DNAAF8: variants seen among roughly 807,000 people sequenced by gnomAD.
DNAAF8 encodes the protein dynein axonemal-associated protein 1.
Under a neutral mutation model 54.6 loss-of-function variants are expected in DNAAF8, and 61 were observed. That is an observed-to-expected ratio of 1.12 (90% CI 0.91 to 1.38). The LOEUF is 1.38. Ranked by LOEUF, DNAAF8 falls within the 40% of genes most tolerant of loss-of-function variation. The pLI is 0.00. For synonymous variants in DNAAF8, 320 were observed against 270.1 expected (o/e 1.18, Z -1.81); for missense variants, 837 against 665.0 (o/e 1.26, Z -2.85).
chr16:4,737,678 G>A (rs1451957856), intron 2 of DNAAF8, 122 bp from the exon 3 acceptor site: 10 of 1,272,582 alleles, frequency 7.9e-6, no homozygotes, highest in African/African-American at 1.5e-5. Context: ...GGGCTGGACG[G>A]GCTGGATGGG....
chr16:4,747,189 G>A (rs534634241), intron 8 of DNAAF8, 154 bp from the exon 9 acceptor site: 37 of 1,217,020 alleles, frequency 3.0e-5, no homozygotes, highest in Admixed American at 4.7e-5. Context: ...ACGTCCACTG[G>A]GTCCCAGCAG....
chr16:4,746,214 G>A, intron 6 of DNAAF8, 161 bp from the exon 7 acceptor site: 4 of 743,446 alleles, frequency 5.4e-6, no homozygotes, highest in South Asian at 2.0e-5. Context: ...CTCGCATGCT[G>A]TTCTGAAGAG....
intron 1 of DNAAF8, 70 bp downstream of exon 1, chr16:4,734,768 G>A (rs1343485331): frequency 6.6e-6 from 1 of 152,314 alleles, no homozygotes; most frequent in East Asian, 1.9e-4. Context: ...GGCTGGGGGT[G>A]GGTGAGAGGA....
intron 2 of DNAAF8, 34 bp downstream of exon 2, chr16:4,736,677 C>T (rs200360874): frequency 6.6e-6 from 10 of 1,518,872 alleles, no homozygotes; most frequent in South Asian, 1.2e-5. Context: ...ATGCCTTGTC[C>T]TTCCTACCAG....
chr16:4,741,182 C>A (rs1346225873), intron 4 of DNAAF8, among the ~76,000 whole-genome samples: 1 of 146,754 alleles, frequency 6.8e-6, no homozygotes, highest in Non-Finnish European at 1.5e-5. Context: ...TGCAGTGAGC[C>A]GATATCGCAC....
intron 2 of DNAAF8, 35 bp downstream of exon 2, chr16:4,736,678 T>G (rs746703623): frequency 6.6e-7 from 1 of 1,517,264 alleles, no homozygotes; most frequent in African/African-American, 1.4e-5. Flanking sequence ...TGCCTTGTCC[T>G]TCCTACCAGA....
intron 3 of DNAAF8, among the ~76,000 whole-genome samples, chr16:4,738,512 G>C (rs2081921775): frequency 6.6e-6 from 1 of 152,254 alleles, no homozygotes; most frequent in Non-Finnish European, 1.5e-5. Context: ...ACGCAGGCCT[G>C]TGTTGCCAGT....
chr16:4,740,496 T>G lies in DNAAF8; in HGVS notation c.620T>G (p.Ile207Arg). ...RALRQERRKM[I>R]ETDILQKVTR... ...CTCCGACAGGAGAGAAGGAAGATGA[T>G]AGAGACGGACATCCTCCAGAAAGTC... Residue 207 changes from isoleucine to arginine, a missense_variant, in exon 4 of 10, where the codon ATA becomes AGA. Transcript: ENST00000299320. 1 of 1,614,026 alleles carries G rather than the reference T, an allele frequency of 6.2e-7. No homozygotes were observed. The highest frequency in any genetic ancestry group is 2.2e-5 in the East Asian group (1 of 44,866).
chr16:4,749,078 C>T lies in DNAAF8; in HGVS notation c.*363C>T, dbSNP rs1036459336. 1 of 152,502 alleles carries T rather than the reference C, an allele frequency of 6.6e-6. No homozygotes were observed. Among genetic ancestry groups the T allele is most frequent in the Non-Finnish European group, 1.5e-5 (1 of 68,230 alleles). The allele number at this position is 152,502 out of a possible 1,614,324, so 9.4% of individuals were successfully genotyped here. On this transcript the variant is annotated 3_prime_UTR_variant, in exon 10 of 10. Transcript: ENST00000299320. ...TTTTCATTGCAAGTCAAAGGCAAGACAGGCTTCCATAAAGTCCCAGGAGGT... is the reference window on the plus strand; with the variant it reads ...TTTTCATTGCAAGTCAAAGGCAAGATAGGCTTCCATAAAGTCCCAGGAGGT...
chr16:4,740,462 C>T lies in DNAAF8; in HGVS notation c.586C>T (p.Arg196Cys), dbSNP rs764103138. Residue 196 changes from arginine to cysteine, a missense_variant, in exon 4 of 10, where the codon CGC (arginine) becomes TGC (cysteine). Physicochemically the swap from Arg to Cys is radical, Grantham distance 180. Coordinates refer to ENST00000299320, the MANE Select transcript of DNAAF8 (RefSeq NM_139170.3). ...CACTGCCTCACAAGAATCTGTGAACCGCCGGGCCCTCCGACAGGAGAGAAG... is the reference window on the plus strand; with the variant it reads ...CACTGCCTCACAAGAATCTGTGAACTGCCGGGCCCTCCGACAGGAGAGAAG... ...LSTASQESVNRRALRQERRKM... is the reference protein window; with the variant it reads ...LSTASQESVNCRALRQERRKM... 5 of 1,613,994 alleles carry T rather than the reference C, an allele frequency of 3.1e-6. No individual in the cohort carries two copies. The highest frequency in any genetic ancestry group is 2.2e-5 in the East Asian group (1 of 44,878).
Position 4,736,795 on chromosome 16 carries a change from C to T in DNAAF8, c.129+152C>T, listed in dbSNP as rs2081906324. Reference sequence around the variant, plus strand: ...TTACTTTAAATCGCATGGCCAGACTCAAAGTTGTGTTTTCTGGGTGCCTAT... The same window carrying T: ...TTACTTTAAATCGCATGGCCAGACTTAAAGTTGTGTTTTCTGGGTGCCTAT... On this transcript the variant is annotated intron_variant, in intron 2 of 9. Coordinates refer to ENST00000299320, the MANE Select transcript of DNAAF8 (RefSeq NM_139170.3). 7 of 902,704 alleles carry T rather than the reference C, an allele frequency of 7.8e-6. 1 individual carries two copies. In the South Asian group the frequency reaches 1.7e-4, roughly 22 times the overall value. 55.9% of individuals were successfully genotyped at this position (902,704 alleles called of 1,614,324 possible). A position where few individuals can be genotyped will look rare whatever the true frequency, so the allele number is the denominator to read the frequency against.
chr16:4,743,009 G>A (rs1352399133), intron 4 of DNAAF8, 34 bp from the exon 5 acceptor site: 5 of 1,534,736 alleles, frequency 3.3e-6, no homozygotes, highest in Non-Finnish European at 4.5e-6. Context: ...GGACCCCTCA[G>A]CATCCTCATA....
chr16:4,740,813 G>A (rs1418705273), intron 4 of DNAAF8, among the ~76,000 whole-genome samples, 154 bp downstream of exon 4: 3 of 152,158 alleles, frequency 2.0e-5, no homozygotes, highest in Admixed American at 2.0e-4. Flanking sequence ...TCAGTAGAGG[G>A]GTGGAGGGTC....
chr16:4,740,015 C>T (rs2081942411), intron 3 of DNAAF8, 138 bp from the exon 4 acceptor site: 2 of 1,067,144 alleles, frequency 1.9e-6, no homozygotes, highest in Non-Finnish European at 2.7e-6. Context: ...GCTATGATCG[C>T]ACCACTGCAC....
intron 1 of DNAAF8, chr16:4,735,362 T>C (rs1040833391): frequency 2.0e-5 from 3 of 152,032 alleles, no homozygotes; most frequent in Non-Finnish European, 4.4e-5. Flanking sequence ...CAGTTCAGAG[T>C]GCACCAAGCA....
At chr16:4,747,901 G>A (rs565933820) in intron 9 of DNAAF8, among the ~76,000 whole-genome samples, 6 of 152,326 alleles carry the variant, frequency 3.9e-5, no homozygotes, top group African/African-American at 1.4e-4. Flanking sequence ...GGCAGGGACA[G>A]CAGGAGGACG....
In DNAAF8 at chr16:4,740,242, C is replaced by A. The variant is rs1473929453; in HGVS notation, c.366C>A (p.Asp122Glu). Residue 122 changes from aspartate to glutamate, a missense_variant, in exon 4 of 10, where the codon GAC (aspartate) becomes GAA (glutamate). Coordinates refer to ENST00000299320, the MANE Select transcript of DNAAF8 (RefSeq NM_139170.3). ...ATGCATCCTCTCAGGAAGGAAGAGA[C>A]CCTGGCAGGCCTTTTGAAAGCTCTG... ...TKDASSQEGR[D>E]PGRPFESSGE... The A allele has an allele frequency of 1.9e-6, 3 of 1,613,878 alleles. No homozygotes were observed. Among genetic ancestry groups the A allele is most frequent in the African/African-American group, 1.3e-5 (1 of 74,872 alleles).
In DNAAF8 at chr16:4,743,086, C is replaced by G; in HGVS notation, c.827C>G (p.Ala276Gly). ...WDLDDILQSL[A>G]GQEDNQGNRA... is the part of the protein sequence containing the mutation. ...TTGGATGACATCCTTCAGAGTCTGG[C>G]GGGACAAGAAGACAACCAGGGAAAT... is the stretch of plus-strand genomic sequence containing the variant. Residue 276 changes from alanine (A) to glycine (G), a missense_variant, in exon 5 of 10, where the codon GCG becomes GGG. Coordinates refer to ENST00000299320, the MANE Select transcript of DNAAF8 (RefSeq NM_139170.3). 1 of 1,611,970 alleles carries G rather than the reference C, an allele frequency of 6.2e-7. No homozygotes were observed. Among genetic ancestry groups the G allele is most frequent in the Non-Finnish European group, 8.5e-7 (1 of 1,179,124 alleles).
At chr16:4,742,499 T>C (rs2081969463) in intron 4 of DNAAF8, among the ~76,000 whole-genome samples, 1 of 149,930 alleles carries the variant, frequency 6.7e-6, no homozygotes, top group South Asian at 2.1e-4. Flanking sequence ...GGTCAGGTGT[T>C]TGTTCGAGAC....
Sources: gnomAD v4.1 joint callset for allele counts (sites outside exome capture counted in the v4.1 genomes callset) on GRCh38, gnomAD v4.1.1 for gene constraint, MANE v1.5 for transcripts, NCBI Gene and HGNC (gene_info 2026-07-23, HGNC 2026-07-21) for gene names.